The following NIM1K variants were observed in gnomAD, a reference collection of about 807,000 sequenced individuals.
The protein encoded by NIM1K is serine/threonine-protein kinase NIM1.
In NIM1K, 35 loss-of-function variants were observed where a neutral mutation model predicts 37.1. The observed-to-expected ratio is 0.94, with a 90% CI of 0.72 to 1.25. NIM1K has a LOEUF of 1.25. Ranked by LOEUF, NIM1K falls within the 50% of genes most tolerant of loss-of-function variation. The pLI is 0.00. For synonymous variants in NIM1K, 234 were observed against 206.6 expected, an observed-to-expected ratio of 1.13 and a Z score of -1.14; for missense variants, 564 against 548.0, an observed-to-expected ratio of 1.03 and a Z score of -0.29.
rs184952418 is a variant in NIM1K, at chr5:43,263,569, G to A, written c.293-13488G>A. Among the ~76,000 whole-genome samples, 1,070 of 150,902 alleles carry A rather than the reference G, an allele frequency of 7.1e-3. 16 individuals carry two copies. Among genetic ancestry groups the A allele is most frequent in the African/African-American group, 0.025 (1,021 of 41,124 alleles). ...TCTTTTCAAAAAAAAAACAGCTCTT[G>A]GATTCATTGATTTTTTTATTTTTTT... On this transcript the variant is annotated intron_variant, in intron 2 of 3. Transcript: ENST00000326035.
At chr5:43,274,807 C>T (rs189794117) in intron 2 of NIM1K, among the ~76,000 whole-genome samples, 2 of 152,334 alleles carry the variant, frequency 1.3e-5, no homozygotes, top group East Asian at 3.9e-4. Context: ...AATAACACTC[C>T]TATTTTAAAC....
At chr5:43,218,503 G>A (rs972750338) in intron 1 of NIM1K, among the ~76,000 whole-genome samples, 1 of 152,148 alleles carries the variant, frequency 6.6e-6, no homozygotes, top group African/African-American at 2.4e-5. Flanking sequence ...TGGAAGGCAA[G>A]AGGAGCCAAG....
At chr5:43,232,144 T>G (rs1752548529) in intron 1 of NIM1K, 1 of 999,660 alleles carries the variant, frequency 1.0e-6, no homozygotes. Context: ...AACCACAAAT[T>G]AGATGATACA....
At chr5:43,214,193 C>A (rs1268712831) in intron 1 of NIM1K, among the ~76,000 whole-genome samples, 2 of 152,172 alleles carry the variant, frequency 1.3e-5, no homozygotes, top group Non-Finnish European at 2.9e-5. Flanking sequence ...CTCACTTTTA[C>A]ACACATGGTT....
chr5:43,225,935 A>G (rs1752451132), intron 1 of NIM1K: 1 of 152,256 alleles, frequency 6.6e-6, no homozygotes, highest in African/African-American at 2.4e-5. Context: ...CAGGTGTTGG[A>G]AGTACAAAAG....
At chr5:43,276,172 C>A (rs1001957690) in intron 2 of NIM1K, among the ~76,000 whole-genome samples, 1 of 152,164 alleles carries the variant, frequency 6.6e-6, no homozygotes, top group African/African-American at 2.4e-5. Flanking sequence ...GGATTACAGG[C>A]GTGAGCTGCC....
At chr5:43,264,835 C>A (rs186372750) in intron 2 of NIM1K, among the ~76,000 whole-genome samples, 428 of 152,278 alleles carry the variant, frequency 2.8e-3, no homozygotes, top group African/African-American at 9.0e-3. Context: ...AATCTCTCAG[C>A]ATTTTTTGTC....
intron 1 of NIM1K, among the ~76,000 whole-genome samples, chr5:43,200,227 G>C (rs1751997346): frequency 6.6e-6 from 1 of 152,090 alleles, no homozygotes; most frequent in Non-Finnish European, 1.5e-5. Flanking sequence ...TGGTTTGAAT[G>C]ACAGATTCTA....
intron 1 of NIM1K, among the ~76,000 whole-genome samples, chr5:43,201,973 C>CAAAAA (rs1233857895): frequency 1.1e-5 from 1 of 89,046 alleles, no homozygotes; most frequent in African/African-American, 4.2e-5. Context: ...GACTCCCTCT[C>CAAAAA]AAAAAAAAAA....
At chr5:43,203,684 A>G (rs1321625635) in intron 1 of NIM1K, among the ~76,000 whole-genome samples, 1 of 152,104 alleles carries the variant, frequency 6.6e-6, no homozygotes, top group Non-Finnish European at 1.5e-5. Context: ...GTGTTTCTTT[A>G]TTGAACTATG....
intron 2 of NIM1K, among the ~76,000 whole-genome samples, chr5:43,259,613 A>G (rs1177713839): frequency 6.6e-6 from 1 of 152,058 alleles, no homozygotes; most frequent in African/African-American, 2.4e-5. Flanking sequence ...TCATTTGCCC[A>G]CTTTTTAATG....
intron 2 of NIM1K, among the ~76,000 whole-genome samples, chr5:43,258,191 A>G (rs1013753499): frequency 2.6e-5 from 4 of 152,184 alleles, no homozygotes; most frequent in Non-Finnish European, 5.9e-5. Context: ...CATAAATGGC[A>G]TCATCCAATG....
At chr5:43,261,757 T>C (rs935476852) in intron 2 of NIM1K, among the ~76,000 whole-genome samples, 3 of 152,244 alleles carry the variant, frequency 2.0e-5, no homozygotes, top group Non-Finnish European at 4.4e-5. Flanking sequence ...AACATTTAAG[T>C]CTTTAATTCA....
At chr5:43,274,430 C>G (rs1030088585) in intron 2 of NIM1K, among the ~76,000 whole-genome samples, 1 of 152,076 alleles carries the variant, frequency 6.6e-6, no homozygotes, top group African/African-American at 2.4e-5. Flanking sequence ...GTGGGTTCTT[C>G]TACAGGAAAT....
chr5:43,198,207 CTCT>C (rs1288126313), intron 1 of NIM1K, among the ~76,000 whole-genome samples: 10 of 48,870 alleles, frequency 2.0e-4, no homozygotes, highest in African/African-American at 7.9e-4. Context: ...TTCTTTCTTT[CTCT>C]TTCTTTCTTT....
At chr5:43,276,684 T>C (rs1753346295) in intron 2 of NIM1K, among the ~76,000 whole-genome samples, 1 of 152,188 alleles carries the variant, frequency 6.6e-6, no homozygotes, top group Non-Finnish European at 1.5e-5. Flanking sequence ...AAGTTCTGTA[T>C]TGGTTGCAAT....
intron 2 of NIM1K, among the ~76,000 whole-genome samples, chr5:43,265,410 G>A (rs11955467): frequency 0.055 from 8,364 of 152,092 alleles, 490 homozygotes; most frequent in African/African-American, 0.15. Flanking sequence ...TGATCGAATT[G>A]GCTACTGAAG....
At chr5:43,202,526 C>T (rs553509224) in intron 1 of NIM1K, among the ~76,000 whole-genome samples, 92 of 152,296 alleles carry the variant, frequency 6.0e-4, no homozygotes, top group African/African-American at 2.1e-3. Flanking sequence ...ACAAGCCCCT[C>T]CCCAGTGGAC....
At chr5:43,257,078 A>G (rs1165182204) in intron 2 of NIM1K, among the ~76,000 whole-genome samples, 2 of 151,224 alleles carry the variant, frequency 1.3e-5, no homozygotes, top group Admixed American at 6.6e-5. Flanking sequence ...GGTATCCAGC[A>G]TTGAAAAGGA....
Sources: gnomAD v4.1 joint callset for allele counts (sites outside exome capture counted in the v4.1 genomes callset) on GRCh38, gnomAD v4.1.1 for gene constraint, MANE v1.5 for transcripts, NCBI Gene and HGNC (gene_info 2026-07-23, HGNC 2026-07-21) for gene names.